KALRN: variants seen among roughly 807,000 people sequenced by gnomAD.
KALRN encodes kalirin RhoGEF kinase.
A neutral mutation model predicts 353.7 loss-of-function variants in KALRN; 70 were observed. That is an observed-to-expected ratio of 0.20 (90% CI 0.16 to 0.24). The LOEUF (loss-of-function observed/expected upper bound fraction) is 0.24, where lower values mean the gene tolerates loss of function less well. KALRN is among the 10% of genes least tolerant of loss of function. The pLI, the probability that KALRN is intolerant of heterozygous loss-of-function variation, is 1.00. For synonymous variants in KALRN, 1,391 were observed against 1,434.8 expected, an observed-to-expected ratio of 0.97 and a Z score of 0.69; for missense variants, 2,791 against 3,756.7, an observed-to-expected ratio of 0.74 and a Z score of 6.72.
intron 33 of KALRN, among the ~76,000 whole-genome samples, chr3:124,560,997 A>G (rs903623157): frequency 6.6e-6 from 1 of 152,178 alleles, no homozygotes; most frequent in African/African-American, 2.4e-5. Context: ...TCTCCACATG[A>G]TTTTTATGTA....
intron 1 of KALRN, among the ~76,000 whole-genome samples, chr3:124,131,072 AT>A (rs1440689234): frequency 1.3e-5 from 2 of 152,312 alleles, no homozygotes; most frequent in East Asian, 3.9e-4. Context: ...TACCCTTATG[AT>A]TTGTATACTT....
At chr3:124,284,581 T>C (rs1269419890) in intron 5 of KALRN, among the ~76,000 whole-genome samples, 5 of 152,186 alleles carry the variant, frequency 3.3e-5, no homozygotes, top group Admixed American at 3.3e-4. Flanking sequence ...ATTTTTCACA[T>C]TTTATTAACA....
intron 18 of KALRN, among the ~76,000 whole-genome samples, chr3:124,439,446 G>A (rs761290811): frequency 1.5e-4 from 23 of 152,110 alleles, no homozygotes; most frequent in Admixed American, 2.6e-4. Flanking sequence ...CCAGTATCCC[G>A]TGGATGTTGT....
intron 1 of KALRN, among the ~76,000 whole-genome samples, chr3:124,212,136 TA>T (rs1431517704): frequency 1.3e-5 from 2 of 152,212 alleles, no homozygotes; most frequent in Non-Finnish European, 2.9e-5. Context: ...AAGTTTGGGA[TA>T]TTTTTTTCAC....
intron 1 of KALRN, among the ~76,000 whole-genome samples, chr3:124,063,416 T>C (rs924743709): frequency 2.0e-5 from 3 of 152,126 alleles, no homozygotes; most frequent in African/African-American, 7.2e-5. Flanking sequence ...GTCTCCTCGG[T>C]GGAGGGGTGG....
chr3:124,247,078 T>C (rs1327431349), intron 3 of KALRN, among the ~76,000 whole-genome samples: 1 of 152,188 alleles, frequency 6.6e-6, no homozygotes, highest in East Asian at 1.9e-4. Context: ...GGGTTGAGTA[T>C]GTTTTCAGGC....
At chr3:124,470,914 A>G (rs1243491550) in intron 25 of KALRN, among the ~76,000 whole-genome samples, 3 of 152,224 alleles carry the variant, frequency 2.0e-5, no homozygotes, top group Non-Finnish European at 4.4e-5. Context: ...CTTCAGCAAA[A>G]AAAACCACCT....
intron 1 of KALRN, among the ~76,000 whole-genome samples, chr3:124,111,276 A>G (rs1319981472): frequency 6.6e-6 from 1 of 152,144 alleles, no homozygotes; most frequent in Non-Finnish European, 1.5e-5. Context: ...TAACAACTGA[A>G]AGAGCCTGTT....
chr3:124,420,686 A>C (rs1464278362), intron 14 of KALRN, among the ~76,000 whole-genome samples: 1 of 152,232 alleles, frequency 6.6e-6, no homozygotes, highest in Non-Finnish European at 1.5e-5. Context: ...AAAAATAAAC[A>C]TGAAAAGATA....
intron 1 of KALRN, among the ~76,000 whole-genome samples, chr3:124,173,803 A>T (rs2072253362): frequency 1.3e-5 from 2 of 151,892 alleles, no homozygotes; most frequent in South Asian, 2.1e-4. Flanking sequence ...TTTAGTAGAG[A>T]TGGGGTTTCA....
At chr3:124,386,529 T>C (rs2088353659) in intron 11 of KALRN, among the ~76,000 whole-genome samples, 1 of 152,092 alleles carries the variant, frequency 6.6e-6, no homozygotes, top group Non-Finnish European at 1.5e-5. Context: ...ACAGAGCTAG[T>C]AGGCTGGGAT....
At chr3:124,644,142 A>G (rs910188378) in intron 37 of KALRN, among the ~76,000 whole-genome samples, 1 of 152,014 alleles carries the variant, frequency 6.6e-6, no homozygotes, top group Non-Finnish European at 1.5e-5. Context: ...TGCCTTCTCC[A>G]CTTTGCTGGT....
chr3:124,702,283 A>G (rs2062378287), intron 57 of KALRN, among the ~76,000 whole-genome samples, 167 bp downstream of exon 57: 1 of 152,206 alleles, frequency 6.6e-6, no homozygotes, highest in South Asian at 2.1e-4. Flanking sequence ...TTCTTTTTCT[A>G]ACTTCTTAAG....
At chr3:124,718,808 C>A (rs955368800) in intron 59 of KALRN, 117 bp from the exon 60 acceptor site, 2 of 959,230 alleles carry the variant, frequency 2.1e-6, no homozygotes, top group Non-Finnish European at 3.2e-6. Flanking sequence ...TTTCTGTACA[C>A]CATAGGCTTT....
At chr3:124,527,867 C>T (rs1415852238) in intron 33 of KALRN, among the ~76,000 whole-genome samples, 2 of 152,142 alleles carry the variant, frequency 1.3e-5, no homozygotes, top group Non-Finnish European at 2.9e-5. Context: ...ATGATGACCT[C>T]ACCTATGGTG....
chr3:124,488,975 A>G (rs1311756949), intron 29 of KALRN: 1 of 152,204 alleles, frequency 6.6e-6, no homozygotes, highest in East Asian at 1.9e-4. Flanking sequence ...TAAGATTCCA[A>G]TAAAGTGGTC....
At chr3:124,080,979 G>GCTCACT (rs1316517180) in intron 1 of KALRN, among the ~76,000 whole-genome samples, 1 of 152,146 alleles carries the variant, frequency 6.6e-6, no homozygotes, top group African/African-American at 2.4e-5. Context: ...TCCACCTAAA[G>GCTCACT]CTCACTGTAT....
chr3:124,249,608 G>A (rs1257712777), intron 3 of KALRN, among the ~76,000 whole-genome samples: 1 of 152,116 alleles, frequency 6.6e-6, no homozygotes, highest in East Asian at 1.9e-4. Flanking sequence ...CCTGCCTGTG[G>A]GACAGCAGGG....
At chr3:124,716,923 TCTTTA>T (rs2063159437) in intron 58 of KALRN, among the ~76,000 whole-genome samples, 1 of 152,254 alleles carries the variant, frequency 6.6e-6, no homozygotes, top group South Asian at 2.1e-4. Flanking sequence ...GTGAAGGCTT[TCTTTA>T]CTTAGCAATC....
Sources: allele counts gnomAD v4.1 joint callset (sites outside exome capture counted in the v4.1 genomes callset), GRCh38; gene constraint gnomAD v4.1.1; transcripts MANE v1.5; gene names NCBI Gene and HGNC (gene_info 2026-07-23, HGNC 2026-07-21).